TMEM200A: variants seen among roughly 807,000 people sequenced by gnomAD.
The protein encoded by TMEM200A is transmembrane protein 200A.
In TMEM200A, 12 loss-of-function variants were observed where a neutral mutation model predicts 24.3. The observed-to-expected ratio is 0.49, with a 90% confidence interval of 0.32 to 0.80. TMEM200A has a LOEUF of 0.80. Among genes scored for constraint, TMEM200A ranks in the 30% least tolerant of loss-of-function variants. The probability of loss-of-function intolerance (pLI) is 0.04; values close to 1 mark genes in which losing one functional copy is unlikely to be tolerated. For synonymous variants in TMEM200A, 224 were observed against 224.4 expected, an observed-to-expected ratio of 1.00 and a Z score of 0.02; for missense variants, 545 against 614.4, an observed-to-expected ratio of 0.89 and a Z score of 1.19.
At chr6:130,395,113 ACCTATCTTCATAGCT>A (rs1269406104) in intron 2 of TMEM200A, among the ~76,000 whole-genome samples, 3 of 152,136 alleles carry the variant, frequency 2.0e-5, no homozygotes, top group African/African-American at 7.2e-5. Flanking sequence ...TCTACTCAAT[ACCTATCTTCATAGCT>A]CCTTCCTGCA....
At chr6:130,374,912 T>TAC (rs1778414163) in intron 1 of TMEM200A, among the ~76,000 whole-genome samples, 1 of 152,198 alleles carries the variant, frequency 6.6e-6, no homozygotes. Context: ...ATTTGGATCT[T>TAC]ACACATACCT....
intron 2 of TMEM200A, among the ~76,000 whole-genome samples, chr6:130,422,676 G>C (rs556175319): frequency 2.0e-5 from 3 of 152,100 alleles, no homozygotes; most frequent in Non-Finnish European, 4.4e-5. Context: ...ATGTTGTTTT[G>C]ATTGTTACGG....
At chr6:130,403,768 C>T (rs1430254451) in intron 2 of TMEM200A, among the ~76,000 whole-genome samples, 1 of 151,964 alleles carries the variant, frequency 6.6e-6, no homozygotes, top group African/African-American at 2.4e-5. Flanking sequence ...TATTTCATCA[C>T]CCAGGTATTA....
chr6:130,441,033 G>A lies in TMEM200A; in HGVS notation c.611G>A (p.Arg204Lys), dbSNP rs13215023. 6.2e-7 allele frequency: 1 copy of A among 1,613,886 alleles called. No homozygotes were observed. The change falls in exon 3 of 3, where the codon AGA (arginine) becomes AAA (lysine). Residue 204 changes from arginine to lysine, a missense_variant. Coordinates refer to ENST00000296978, the MANE Select transcript of TMEM200A (RefSeq NM_001258277.2). ...CAGAATGGGAGCTCCTGTGCCTCGA[G>A]ATTGGCAGCAAATACGATCGCCTCT... Reference protein sequence around the residue: ...VKQNGSSCASRLAANTIASFS... With the variant: ...VKQNGSSCASKLAANTIASFS...
rs144401304 is a variant in TMEM200A, at chr6:130,406,629, A to G, written c.-17+21393A>G. ...CATTGCTGTAGACTCTATACCTGAT[A>G]AATAATGTCCTGAATTGCAAATGAA... On this transcript the variant is annotated intron_variant, in intron 2 of 2. Coordinates refer to ENST00000296978, the MANE Select transcript of TMEM200A (RefSeq NM_001258277.2). Among the ~76,000 whole-genome samples the G allele has an allele frequency of 1.1e-3, 174 of 152,290 alleles. 1 individual carries two copies. Among genetic ancestry groups the G allele is most frequent in the South Asian group, 7.3e-3 (35 of 4,824 alleles).
At position 130,442,868 on chromosome 6, in the gene TMEM200A, T is replaced by C. The variant is rs1780231729; in HGVS notation, c.*970T>C. 6.0e-6 allele frequency: 1 copy of C among 167,024 alleles called. No individual in the cohort carries two copies. Among genetic ancestry groups the C allele is most frequent in the Non-Finnish European group, 1.5e-5 (1 of 68,088 alleles). The allele number at this position is 167,024 out of a possible 1,614,324, so 10.3% of individuals were successfully genotyped here. ...GAAAACAATCGGCTAACCTTGACAT[T>C]TCTTTTTACCTTCATATGCCACTAT... On this transcript the variant is annotated 3_prime_UTR_variant, in exon 3 of 3. Coordinates refer to ENST00000296978, the MANE Select transcript of TMEM200A (RefSeq NM_001258277.2).
At chr6:130,412,175 C>A (rs551337995) in intron 2 of TMEM200A, among the ~76,000 whole-genome samples, 4 of 142,464 alleles carry the variant, frequency 2.8e-5, no homozygotes, top group South Asian at 4.4e-4. Flanking sequence ...TTAGCTACTT[C>A]TCCCAGAAGC....
intron 1 of TMEM200A, chr6:130,383,010 T>C: frequency 1.0e-6 from 1 of 985,054 alleles, no homozygotes; most frequent in Non-Finnish European, 1.2e-6. Context: ...CAAGGGGCTG[T>C]GTGAGTTCCT....
In TMEM200A at chr6:130,366,512, G is replaced by A; in HGVS notation, c.-93G>A. The A allele has an allele frequency of 5.1e-6, 5 of 985,828 alleles. No individual in the cohort carries two copies. The highest frequency in any genetic ancestry group is 6.0e-6 in the Non-Finnish European group (5 of 830,264). The allele number at this position is 985,828 out of a possible 1,614,324, so 61.1% of individuals were successfully genotyped here. On this transcript the variant is annotated 5_prime_UTR_variant, in exon 1 of 3. The change creates a new upstream start codon in the 5' untranslated region. Transcript: ENST00000296978. The surrounding 1 kb of genome is among the most constrained non-coding windows in gnomAD (Gnocchi z 4.4). The stretch of plus-strand genomic sequence containing the variant: ...GAGGCGACCCGACCCCCAGGGCCCG[G>A]TGCTCAGGACAGGTGAGGGGAAGGA...
intron 2 of TMEM200A, among the ~76,000 whole-genome samples, chr6:130,396,471 A>G (rs914912247): frequency 4.6e-5 from 7 of 151,668 alleles, no homozygotes; most frequent in African/African-American, 1.7e-4. Context: ...TCTTGTCATT[A>G]GCTTGGTTTT....
In TMEM200A at chr6:130,368,945, T is replaced by C. The variant is rs547568816; in HGVS notation, c.-81+2421T>C. 4.6e-5 allele frequency among the ~76,000 whole-genome samples: 7 copies of C among 152,342 alleles called. No homozygotes were observed. The South Asian group carries it at 1.5e-3, about 32-fold the overall frequency. On this transcript the variant is annotated intron_variant, in intron 1 of 2. Coordinates refer to ENST00000296978, the MANE Select transcript of TMEM200A (RefSeq NM_001258277.2). ...GGACTGACGATCTTTATGGTCTCTC[T>C]TTAAAATGCTGCAAGGCAAATTCTG...
chr6:130,425,448 TATTCAG>T (rs140057787), intron 2 of TMEM200A, among the ~76,000 whole-genome samples: 2,781 of 152,302 alleles, frequency 0.018, 23 homozygotes, highest in Non-Finnish European at 0.027. Flanking sequence ...TTCATTATCT[TATTCAG>T]ATTTAGGAAG....
intron 2 of TMEM200A, among the ~76,000 whole-genome samples, chr6:130,429,021 G>A (rs748849874): frequency 1.3e-5 from 2 of 151,998 alleles, no homozygotes; most frequent in Non-Finnish European, 2.9e-5. Context: ...AACAAGAAAT[G>A]AGAAAGGTCT....
rs1479138732 is a variant in TMEM200A at position 130,371,191 on chromosome 6, G to A, written c.-81+4667G>A. ...GGGCCAGTAGGTGAAATGGCTATGC[G>A]TGGTAGATAGGTTAATAGCAAATAG... On this transcript the variant is annotated intron_variant, in intron 1 of 2. Transcript: ENST00000296978. Among the ~76,000 whole-genome samples the A allele has an allele frequency of 2.0e-5, 3 of 152,174 alleles. 1 individual carries two copies. The highest frequency in any genetic ancestry group is 2.0e-4 in the Admixed American group (3 of 15,278).
intron 2 of TMEM200A, among the ~76,000 whole-genome samples, chr6:130,407,421 C>T (rs1779231130): frequency 6.6e-6 from 1 of 152,092 alleles, no homozygotes; most frequent in African/African-American, 2.4e-5. Context: ...TGTTAATGGT[C>T]GGGAGGTATA....
At chr6:130,409,987 GACTCTAACAGCAAAATTGCACACT>G (rs1428213058) in intron 2 of TMEM200A, among the ~76,000 whole-genome samples, 3 of 152,194 alleles carry the variant, frequency 2.0e-5, no homozygotes, top group South Asian at 2.1e-4. Flanking sequence ...CAGTTTGTAT[GACTCTAACAGCAAAATTGCACACT>G]ACTCTAACAG....
At chr6:130,411,791 A>T (rs1779335657) in intron 2 of TMEM200A, among the ~76,000 whole-genome samples, 1 of 152,212 alleles carries the variant, frequency 6.6e-6, no homozygotes, top group Non-Finnish European at 1.5e-5. Flanking sequence ...AGTTTGTCCC[A>T]TGATAATGAT....
At chr6:130,440,052 GA>G (rs1004410738) in intron 2 of TMEM200A, among the ~76,000 whole-genome samples, 1 of 151,098 alleles carries the variant, frequency 6.6e-6, no homozygotes, top group African/African-American at 2.4e-5. Flanking sequence ...GAGAGAGAGA[GA>G]GAGAAGAGAA....
chr6:130,431,507 T>A (rs1463670504), intron 2 of TMEM200A, among the ~76,000 whole-genome samples: 1 of 152,130 alleles, frequency 6.6e-6, no homozygotes, highest in Non-Finnish European at 1.5e-5. Context: ...GTGACAGTGA[T>A]TGTGTAAGAG....
Sources: gnomAD v4.1 joint callset for allele counts (sites outside exome capture counted in the v4.1 genomes callset) on GRCh38, gnomAD v4.1.1 for gene constraint, Gnocchi (gnomAD v3.1) non-coding constraint, MANE v1.5 for transcripts, NCBI Gene and HGNC (gene_info 2026-07-23, HGNC 2026-07-21) for gene names.